The following CAPN15 variants were observed in gnomAD, a reference collection of about 807,000 sequenced individuals.
CAPN15 encodes calpain 15.
CAPN15 carries 53 observed loss-of-function variants against 97.9 expected under a neutral mutation model. The ratio of observed to expected loss-of-function variants is 0.54; its 90% CI spans 0.43 to 0.68. CAPN15 has a LOEUF of 0.68. Ranked by LOEUF, CAPN15 falls within the 30% of genes least tolerant of loss-of-function variation. CAPN15 has a pLI of 0.00. For missense variants in CAPN15, 1,592 were observed against 1,589.8 expected, an observed-to-expected ratio of 1.00 and a Z score of -0.02; for synonymous variants, 922 against 722.5, an observed-to-expected ratio of 1.28 and a Z score of -4.43.
chr16:536,998 C>A (rs939040387), intron 3 of CAPN15: 3 of 387,204 alleles, frequency 7.7e-6, no homozygotes, highest in Non-Finnish European at 1.1e-5. Context: ...CTCTTGACTC[C>A]TCTGGCAGCG....
At chr16:529,844 T>C (rs1477125943) in intron 1 of CAPN15, among the ~76,000 whole-genome samples, 2 of 152,226 alleles carry the variant, frequency 1.3e-5, no homozygotes, top group Non-Finnish European at 2.9e-5. Context: ...ACCGTGAGGC[T>C]GAAATGACAG....
At chr16:542,455 C>T (rs1007302429) in intron 3 of CAPN15, among the ~76,000 whole-genome samples, 2 of 152,118 alleles carry the variant, frequency 1.3e-5, no homozygotes, top group Non-Finnish European at 2.9e-5. Context: ...GTTGTCTGTC[C>T]TTGTGATTCT....
At chr16:544,259 G>T (rs908591967) in intron 3 of CAPN15, among the ~76,000 whole-genome samples, 2 of 152,098 alleles carry the variant, frequency 1.3e-5, no homozygotes, top group African/African-American at 4.8e-5. Context: ...AGGAGCTGCC[G>T]ACCAAGTCTG....
At chr16:533,400 A>C (rs1298889222) in intron 1 of CAPN15, among the ~76,000 whole-genome samples, 1 of 152,122 alleles carries the variant, frequency 6.6e-6, no homozygotes, top group South Asian at 2.1e-4. Context: ...GCCTGGCTCG[A>C]AGCAGTGGCC....
rs1393787444 is a variant in CAPN15, at chr16:533,933, C to CCTCCCTT, written c.-189-12_-189-6dup. On this transcript the variant is annotated splice_polypyrimidine_tract_variant and intron_variant, in intron 1 of 13. Coordinates refer to ENST00000219611, the MANE Select transcript of CAPN15 (RefSeq NM_005632.3). ...GGAAGCTGAGGTGCCTGATTAAATG[C>CCTCCCTT]CTCCCTTTCTAGGCAGCAGCCCAGA... 6.1e-6 allele frequency: 6 copies of CCTCCCTT among 985,002 alleles called. No individual in the cohort carries two copies. The Admixed American group carries it at 1.8e-4, about 30-fold the overall frequency. 61.0% of individuals were successfully genotyped at this position (985,002 alleles called of 1,614,324 possible). A position where few individuals can be genotyped will look rare whatever the true frequency, so the allele number is the denominator to read the frequency against.
At chr16:531,210 T>G (rs1567132004) in intron 1 of CAPN15, among the ~76,000 whole-genome samples, 1 of 152,260 alleles carries the variant, frequency 6.6e-6, no homozygotes, top group Non-Finnish European at 1.5e-5. Flanking sequence ...TTTTAAGTTT[T>G]ATTTTTTTGA....
In CAPN15 at chr16:552,937, C is replaced by A. The variant is rs1413877414; in HGVS notation, c.2979C>A (p.His993Gln). Residue 993 changes from histidine to glutamine, a missense_variant, in exon 13 of 14, where the codon CAC becomes CAA. Physicochemically the swap from His to Gln is conservative, Grantham distance 24 (BLOSUM62 0). This residue lies in a region of CAPN15 where 644 missense variants were observed against 699.6 expected (regional missense o/e 0.92). Coordinates refer to ENST00000219611, the MANE Select transcript of CAPN15 (RefSeq NM_005632.3). The surrounding 1 kb of genome is among the most constrained non-coding windows in gnomAD (Gnocchi z 6.4). ...TCATCGTGGTGGTGGAGAACCGACACCCCAAGGCCTACCTGCACGTGCAGT... is the reference window on the plus strand; with the variant it reads ...TCATCGTGGTGGTGGAGAACCGACAACCCAAGGCCTACCTGCACGTGCAGT... ...AGLIVVVENRHPKAYLHVQCD... is the reference protein window; with the variant it reads ...AGLIVVVENRQPKAYLHVQCD... 10 of 1,611,988 alleles carry A rather than the reference C, an allele frequency of 6.2e-6. No individual in the cohort carries two copies. In the East Asian group the frequency reaches 2.2e-4, roughly 36 times the overall value.
In CAPN15 at chr16:552,322, C is replaced by G. The variant is rs746920297; in HGVS notation, c.2529C>G (p.Ser843Arg). 17 of 1,575,916 alleles carry G rather than the reference C, an allele frequency of 1.1e-5. No homozygotes were observed. Among genetic ancestry groups the G allele is most frequent in the Middle Eastern group, 3.3e-4 (2 of 6,018 alleles). ...EGSRRSDAVD[S>R]HLLDLCILVF... ...GCAGGCGCTCGGACGCCGTGGACAG[C>G]CACCTGCTGGACCTGTGCATCCTGG... is the stretch of plus-strand genomic sequence containing the variant. Residue 843 changes from serine (S) to arginine (R), a missense_variant, in exon 11 of 14, where the codon AGC becomes AGG. This residue lies in a region of CAPN15 where 644 missense variants were observed against 699.6 expected (regional missense o/e 0.92). Transcript: ENST00000219611. The surrounding 1 kb of genome is among the most constrained non-coding windows in gnomAD (Gnocchi z 6.4).
In CAPN15 at chr16:527,926, C is replaced by T. The variant is rs1380744381; in HGVS notation, c.-293C>T. The T allele has an allele frequency of 6.9e-6, 1 of 145,270 alleles. No homozygotes were observed. Among genetic ancestry groups the T allele is most frequent in the Non-Finnish European group, 1.5e-5 (1 of 65,468 alleles). The allele number at this position is 145,270 out of a possible 1,614,324, so 9.0% of individuals were successfully genotyped here. A position where few individuals can be genotyped will look rare whatever the true frequency, so the allele number is the denominator to read the frequency against. ...CGGCGAGAGGGGCCCCGCCGCTCTC[C>T]GGAGGCAGAAGTTGTGGATCGGCCG... On this transcript the variant is annotated 5_prime_UTR_variant, in exon 1 of 14. Coordinates refer to ENST00000219611, the MANE Select transcript of CAPN15 (RefSeq NM_005632.3).
intron 3 of CAPN15, among the ~76,000 whole-genome samples, chr16:543,097 G>A (rs970960097): frequency 6.6e-6 from 1 of 152,048 alleles, no homozygotes; most frequent in Non-Finnish European, 1.5e-5. Context: ...AGGCTGCAAT[G>A]AGCTGCGATC....
rs1190630207 is a variant in CAPN15 at position 549,850 on chromosome 16, G to A, written c.2066+12G>A. On this transcript the variant is annotated intron_variant, in intron 7 of 13. Transcript: ENST00000219611. ...TCTAAGGAGGCTGGGTAAGAGGAGG[G>A]GCACTGCGTGGTCAGCCGCGTTGGG... is the stretch of plus-strand genomic sequence containing the variant. 2 of 1,554,788 alleles carry A rather than the reference G, an allele frequency of 1.3e-6. No homozygotes were observed. The highest frequency in any genetic ancestry group is 2.3e-5 in the South Asian group (2 of 85,406).
intron 9 of CAPN15, 159 bp from the exon 10 acceptor site, chr16:551,892 T>G (rs28422497): frequency 1.0e-6 from 1 of 978,036 alleles, no homozygotes; most frequent in Non-Finnish European, 1.6e-6. Context: ...CTTCCTATTA[T>G]AGGCCTCAGG....
At chr16:541,860 C>T (rs2034143872) in intron 3 of CAPN15, among the ~76,000 whole-genome samples, 2 of 146,210 alleles carry the variant, frequency 1.4e-5, no homozygotes, top group African/African-American at 5.1e-5. Context: ...CAGGACGTGG[C>T]TGGCTGGGTT....
At chr16:543,758 C>T (rs1314014982) in intron 3 of CAPN15, among the ~76,000 whole-genome samples, 1 of 152,204 alleles carries the variant, frequency 6.6e-6, no homozygotes, top group Non-Finnish European at 1.5e-5. Context: ...CACAGGCGAC[C>T]CCTGCCGTGC....
intron 3 of CAPN15, among the ~76,000 whole-genome samples, chr16:542,779 C>G (rs527316711): frequency 6.6e-6 from 1 of 151,940 alleles, no homozygotes; most frequent in Non-Finnish European, 1.5e-5. Flanking sequence ...TTTGGCCAGG[C>G]GCAGTAGCTC....
chr16:539,049 C>G (rs1298892440), intron 3 of CAPN15: 1 of 152,202 alleles, frequency 6.6e-6, no homozygotes, highest in Non-Finnish European at 1.5e-5. Flanking sequence ...CAGGTGCACA[C>G]CACCACACCC....
In CAPN15 at chr16:551,392, C is replaced by T. The variant is rs367570933; in HGVS notation, c.2157C>T (p.Tyr719=). The change falls in exon 8 of 14, where the codon TAC becomes TAT. Residue 719 remains tyrosine (Y), a synonymous_variant. Transcript: ENST00000219611. ...ESLGLRPRHA[Y]SILDVRDVQG... The stretch of plus-strand genomic sequence containing the variant: ...TGGGCCTGCGCCCCCGGCATGCCTA[C>T]TCCATCCTGGATGTCCGAGATGTCC... The T allele has an allele frequency of 3.7e-6, 6 of 1,610,456 alleles. No homozygotes were observed. The highest frequency in any genetic ancestry group is 2.7e-5 in the African/African-American group (2 of 74,894).
chr16:543,618 G>A (rs543438499), intron 3 of CAPN15, among the ~76,000 whole-genome samples: 1 of 152,264 alleles, frequency 6.6e-6, no homozygotes, highest in East Asian at 1.9e-4. Context: ...CCTGTCTGCT[G>A]CTGCAAACAG....
rs535432919 is a variant in CAPN15 at position 552,223 on chromosome 16, C to T, written c.2507+11C>T. The T allele has an allele frequency of 8.7e-5, 133 of 1,531,408 alleles. No homozygotes were observed. Among genetic ancestry groups the T allele is most frequent in the Middle Eastern group, 3.7e-4 (2 of 5,400 alleles). The allele number at this position is 1,531,408 out of a possible 1,614,324, so 94.9% of individuals were successfully genotyped here. The stretch of plus-strand genomic sequence containing the variant: ...CCAGGAGGGCAGCAGGTGGGTGCTG[C>T]GGGGCCCCATCGGGCTGGGCTGGGC... On this transcript the variant is annotated intron_variant, in intron 10 of 13. Transcript: ENST00000219611. The surrounding 1 kb of genome is among the most constrained non-coding windows in gnomAD (Gnocchi z 6.4).
Sources: allele counts gnomAD v4.1 joint callset (sites outside exome capture counted in the v4.1 genomes callset), GRCh38; gene constraint gnomAD v4.1.1; regional missense constraint gnomAD v4.1.1; non-coding constraint Gnocchi (gnomAD v3.1); transcripts MANE v1.5; gene names NCBI Gene and HGNC (gene_info 2026-07-23, HGNC 2026-07-21).